The following THTPA variants were observed in gnomAD, a reference collection of about 807,000 sequenced individuals.
THTPA encodes the protein thiamine triphosphatase, also known as thiamine-triphosphatase.
THTPA carries 16 observed loss-of-function variants against 16.5 expected under a neutral mutation model. The ratio of observed to expected loss-of-function variants is 0.97; its 90% CI spans 0.66 to 1.47. The LOEUF is 1.47. THTPA is among the 40% of genes most tolerant of loss of function. The pLI, the probability that THTPA is intolerant of heterozygous loss-of-function variation, is 0.00. For missense variants in THTPA, 281 were observed against 280.9 expected (o/e 1.00, Z 0.00); for synonymous variants, 110 against 115.5 (o/e 0.95, Z 0.30).
the THTPA span, chr14:23,526,241 G>C: frequency 6.5e-7 from 1 of 1,536,364 alleles, no homozygotes; most frequent in Non-Finnish European, 8.7e-7. Context: ...TGGGGCACCG[G>C]CCTCTCCCCG....
the THTPA span, chr14:23,535,004 T>C: frequency 6.5e-7 from 1 of 1,536,106 alleles, no homozygotes; most frequent in East Asian, 2.4e-5. The surrounding 1 kb of genome is among the most constrained non-coding windows in gnomAD (Gnocchi z 4.5). Flanking sequence ...CTTAGGTCCA[T>C]GGGAGGGAGC....
At chr14:23,536,903 C>T in the THTPA span, among the ~76,000 whole-genome samples, 9 of 152,210 alleles carry the variant, frequency 5.9e-5, no homozygotes, top group South Asian at 2.1e-4. Context: ...TTTGGGAGGC[C>T]GAGGCAGGCA....
Position 23,560,235 on chromosome 14 carries a change from G to A in THTPA, c.*1395G>A, listed in dbSNP as rs758012732. The stretch of plus-strand genomic sequence containing the variant: ...CTCCTGGAGTCCCCAGGCCACCTCT[G>A]AACTCTGATCTTTACAAACCTTGGG... On this transcript the variant is annotated 3_prime_UTR_variant, in exon 2 of 2. Coordinates refer to ENST00000288014, the MANE Select transcript of THTPA (RefSeq NM_024328.6). 1 of 1,612,174 alleles carries A rather than the reference G, an allele frequency of 6.2e-7. No individual in the cohort carries two copies. The highest frequency in any genetic ancestry group is 1.7e-5 in the Admixed American group (1 of 59,966).
At chr14:23,520,192 C>T in the THTPA span, among the ~76,000 whole-genome samples, 2 of 152,168 alleles carry the variant, frequency 1.3e-5, no homozygotes, top group African/African-American at 4.8e-5. This position sits in a 1 kb window ranked among gnomAD's most constrained non-coding sequence, Gnocchi z 8.7. Flanking sequence ...CCCACCCCAT[C>T]CCCTCAATTC....
chr14:23,526,099 A>G, the THTPA span: 1 of 1,536,398 alleles, frequency 6.5e-7, no homozygotes. Context: ...TCTTGGAATC[A>G]GTCTTGGTTC....
the THTPA span, chr14:23,523,365 G>A: frequency 6.8e-7 from 1 of 1,476,266 alleles, no homozygotes. This position sits in a 1 kb window ranked among gnomAD's most constrained non-coding sequence, Gnocchi z 4.1. Flanking sequence ...TCAGGTGCTG[G>A]GGCCAAGTCG....
the THTPA span, chr14:23,522,607 C>T: frequency 1.3e-5 from 20 of 1,530,616 alleles, no homozygotes; most frequent in African/African-American, 5.5e-5. Context: ...AGACAGCTGG[C>T]GGTGCTGTTC....
At chr14:23,524,786 A>ACTT in the THTPA span, 51 of 1,536,198 alleles carry the variant, frequency 3.3e-5, no homozygotes, top group Non-Finnish European at 4.2e-5. The surrounding 1 kb of genome is among the most constrained non-coding windows in gnomAD (Gnocchi z 5.6). Flanking sequence ...TTCCTCCTCT[A>ACTT]CTTCTTCTTC....
At chr14:23,532,344 G>A in the THTPA span, 20 of 509,996 alleles carry the variant, frequency 3.9e-5, no homozygotes, top group Non-Finnish European at 2.8e-5. Flanking sequence ...CACCAGAAGA[G>A]CTGAATAAAG....
At chr14:23,531,901 C>T in the THTPA span, 1,377 of 808,466 alleles carry the variant, frequency 1.7e-3, 2 homozygotes, top group Non-Finnish European at 2.1e-3. Flanking sequence ...CTCAGCCTCC[C>T]GAGTAGCTGG....
chr14:23,528,688 C>T, the THTPA span: 24 of 985,404 alleles, frequency 2.4e-5, no homozygotes, highest in Non-Finnish European at 2.9e-5. Context: ...CCTTATTTTC[C>T]ATCTTTCTTT....
At chr14:23,531,687 G>A in the THTPA span, 3 of 1,398,132 alleles carry the variant, frequency 2.1e-6, no homozygotes, top group Non-Finnish European at 2.8e-6. Context: ...CCCCAGCTCT[G>A]CCCCTGCCTC....
At chr14:23,533,486 C>T in the THTPA span, 8 of 1,535,998 alleles carry the variant, frequency 5.2e-6, no homozygotes, top group African/African-American at 9.6e-5. This position sits in a 1 kb window ranked among gnomAD's most constrained non-coding sequence, Gnocchi z 4.8. Flanking sequence ...GGGCCTGGCC[C>T]CATCAATCCA....
At chr14:23,552,974 A>G (rs1439470438), upstream of THTPA, among the ~76,000 whole-genome samples, 1 of 152,170 alleles carries the variant, frequency 6.6e-6, no homozygotes, top group African/African-American at 2.4e-5. Flanking sequence ...TTTTACATAC[A>G]TTGTTTACTC....
chr14:23,550,311 G>A, the THTPA span, among the ~76,000 whole-genome samples: 1 of 152,224 alleles, frequency 6.6e-6, no homozygotes, highest in African/African-American at 2.4e-5. Context: ...TCCAGGCCCT[G>A]ACTGTGACCA....
the THTPA span, chr14:23,534,689 C>T: frequency 9.1e-6 from 14 of 1,536,186 alleles, no homozygotes; most frequent in Non-Finnish European, 1.2e-5. This position sits in a 1 kb window ranked among gnomAD's most constrained non-coding sequence, Gnocchi z 4.5. Context: ...GGATTTGGAG[C>T]CAGCTGGTAG....
At chr14:23,531,547 T>C in the THTPA span, 1 of 1,520,274 alleles carries the variant, frequency 6.6e-7, no homozygotes, top group Non-Finnish European at 8.8e-7. Flanking sequence ...CCTTCCTCAG[T>C]GGTTGGGCCA....
chr14:23,557,157 G>A lies in THTPA; in HGVS notation c.400G>A (p.Gly134Arg), dbSNP rs1222366430. 2 of 1,614,142 alleles carry A rather than the reference G, an allele frequency of 1.2e-6. No homozygotes were observed. The highest frequency in any genetic ancestry group is 1.7e-5 in the Admixed American group (1 of 60,022). ...KRSAWKLVLL[G>R]ADEEEPQLRV... ...GAGTGCCTGGAAGCTGGTGCTCTTG[G>A]GAGCTGATGAAGAGGAGCCACAGCT... The change falls in exon 1 of 2, where the codon GGA becomes AGA. Residue 134 changes from glycine to arginine, a missense_variant. By Grantham distance (125) the Gly-to-Arg change is moderately radical (BLOSUM62 -2). Coordinates refer to ENST00000288014, the MANE Select transcript of THTPA (RefSeq NM_024328.6).
At chr14:23,516,424 T>C in the THTPA span, among the ~76,000 whole-genome samples, 1 of 152,166 alleles carries the variant, frequency 6.6e-6, no homozygotes, top group East Asian at 1.9e-4. Context: ...AAGGAGAGAT[T>C]GTGAGGTTGA....
Sources: allele counts gnomAD v4.1 joint callset (sites outside exome capture counted in the v4.1 genomes callset), GRCh38; gene constraint gnomAD v4.1.1; non-coding constraint Gnocchi (gnomAD v3.1); transcripts MANE v1.5; gene names NCBI Gene and HGNC (gene_info 2026-07-23, HGNC 2026-07-21).